The following DUSP3 variants were observed in gnomAD, a reference collection of about 807,000 sequenced individuals.
DUSP3 encodes the protein dual specificity protein phosphatase 3.
Under a neutral mutation model 15.5 loss-of-function variants are expected in DUSP3, and 7 were observed. The ratio of observed to expected loss-of-function variants is 0.45; its 90% CI spans 0.26 to 0.85. The LOEUF (loss-of-function observed/expected upper bound fraction) is 0.85. DUSP3 is among the 40% of genes least tolerant of loss of function. The pLI is 0.18. For synonymous variants in DUSP3, 86 were observed against 104.2 expected, an observed-to-expected ratio of 0.83 and a Z score of 1.07; for missense variants, 209 against 251.7, an observed-to-expected ratio of 0.83 and a Z score of 1.15.
At chr17:43,774,641 TG>T in intron 2 of DUSP3, 70 bp downstream of exon 2, 1 of 1,519,764 alleles carries the variant, frequency 6.6e-7, no homozygotes, top group Non-Finnish European at 9.1e-7. Context: ...AGACCTGTTG[TG>T]GGCCTGTTTT....
chr17:43,777,654 A>G (rs1241712145), intron 1 of DUSP3: 5 of 425,690 alleles, frequency 1.2e-5, no homozygotes, highest in Non-Finnish European at 2.4e-5. Flanking sequence ...CTGAGCCATG[A>G]AGCTTAGGAT....
chr17:43,778,431 A>T, intron 1 of DUSP3: 1 of 167,742 alleles, frequency 6.0e-6, no homozygotes, highest in Non-Finnish European at 1.3e-5. Flanking sequence ...CAGCTGTCAC[A>T]TGACGCGCGG....
rs373149875 is a variant in DUSP3 at position 43,778,775 on chromosome 17, G to A, written c.125+25C>T. On this transcript the variant is annotated intron_variant, in intron 1 of 2. Transcript: ENST00000226004. ...CGGGGCGTCCCGAGAGGGACGGCGG[G>A]GCCGGGCTCGCGAAAGGGACTCACG... The A allele has an allele frequency of 3.9e-4, 583 of 1,508,620 alleles. 4 individuals carry two copies. The African/African-American group carries it at 7.0e-3, about 18-fold the overall frequency. 93.5% of individuals were successfully genotyped at this position (1,508,620 alleles called of 1,614,324 possible).
chr17:43,772,806 A>G (rs1297526902), intron 2 of DUSP3, among the ~76,000 whole-genome samples: 1 of 152,172 alleles, frequency 6.6e-6, no homozygotes, highest in Non-Finnish European at 1.5e-5. Context: ...CATGCCAAGG[A>G]CAAGGTGGAG....
chr17:43,771,413 G>A (rs576080050), intron 2 of DUSP3, among the ~76,000 whole-genome samples: 1 of 152,210 alleles, frequency 6.6e-6, no homozygotes, highest in African/African-American at 2.4e-5. Context: ...TATTGGTTCT[G>A]TTTTTTCTAG....
At chr17:43,778,761 G>A in intron 1 of DUSP3, 39 bp downstream of exon 1, 3 of 1,492,466 alleles carry the variant, frequency 2.0e-6, no homozygotes, top group South Asian at 2.6e-5. Flanking sequence ...GGGGCGTCCC[G>A]AGAGGGACGG....
chr17:43,775,234 G>T (rs1351879284), intron 1 of DUSP3, among the ~76,000 whole-genome samples: 1 of 152,156 alleles, frequency 6.6e-6, no homozygotes, highest in Non-Finnish European at 1.5e-5. Context: ...ACCCTCCGCA[G>T]TGTTTGTCTC....
At chr17:43,769,925 G>A (rs1974292406) in intron 2 of DUSP3, 111 bp from the exon 3 acceptor site, 1 of 1,192,048 alleles carries the variant, frequency 8.4e-7, no homozygotes, top group Admixed American at 2.4e-5. Context: ...ACGCCACTGT[G>A]TGCCTGTCAG....
intron 2 of DUSP3, among the ~76,000 whole-genome samples, chr17:43,772,327 G>T (rs1974330405): frequency 6.6e-6 from 1 of 152,116 alleles, no homozygotes; most frequent in African/African-American, 2.4e-5. Flanking sequence ...TCAGAGTGGG[G>T]CTTCCCCTGC....
rs751943754 is a variant in DUSP3, at chr17:43,774,878, C to T, written c.186G>A (p.Ala62=). 43 of 1,614,070 alleles carry T rather than the reference C, an allele frequency of 2.7e-5. No individual in the cohort carries two copies. The East Asian group carries it at 3.3e-4, about 13-fold the overall frequency. The change falls in exon 2 of 3, where the codon GCG becomes GCA. Residue 62 remains alanine (A), a synonymous_variant. Transcript: ENST00000226004. Reference sequence around the variant, plus strand: ...CGTGCATGAAGGACCTGCCCTCAGCCGCGTTCAGCACATGGGTGATGCCTA... The same window carrying T: ...CGTGCATGAAGGACCTGCCCTCAGCTGCGTTCAGCACATGGGTGATGCCTA... The part of the protein sequence containing the change: ...QKLGITHVLN[A]AEGRSFMHVN...
chr17:43,777,406 G>A (rs1234000069), intron 1 of DUSP3: 1 of 427,190 alleles, frequency 2.3e-6, no homozygotes, highest in African/African-American at 2.0e-5. Context: ...TGGAATGGAT[G>A]AGAACTGTCC....
At position 43,766,508 on chromosome 17, in the gene DUSP3, T is replaced by C. The variant is rs1381295765; in HGVS notation, c.*3101A>G. 4 of 152,568 alleles carry C rather than the reference T, an allele frequency of 2.6e-5. No homozygotes were observed. The highest frequency in any genetic ancestry group is 5.9e-5 in the Non-Finnish European group (4 of 68,022). 9.5% of individuals were successfully genotyped at this position (152,568 alleles called of 1,614,324 possible). A position where few individuals can be genotyped will look rare whatever the true frequency, so the allele number is the denominator to read the frequency against. ...TGAAGATCAGTACTTTTTTTTTTTTTTTTCCTTTAAAACAGTAGCATCTTA... is the reference window on the plus strand; with the variant it reads ...TGAAGATCAGTACTTTTTTTTTTTTCTTTCCTTTAAAACAGTAGCATCTTA... On this transcript the variant is annotated 3_prime_UTR_variant, in exon 3 of 3. Transcript: ENST00000226004.
rs982434733 is a variant in DUSP3 at position 43,767,448 on chromosome 17, C to T, written c.*2161G>A. On this transcript the variant is annotated 3_prime_UTR_variant, in exon 3 of 3. Transcript: ENST00000226004. ...GTACACCTGGAGATCCCAGGGAGCC[C>T]CCTTCTTGAGAAAGAGTATCGTATG... 1 of 152,612 alleles carries T rather than the reference C, an allele frequency of 6.6e-6. No homozygotes were observed. The highest frequency in any genetic ancestry group is 2.4e-5 in the African/African-American group (1 of 41,422). 9.5% of individuals were successfully genotyped at this position (152,612 alleles called of 1,614,324 possible). A position where few individuals can be genotyped will look rare whatever the true frequency, so the allele number is the denominator to read the frequency against.
intron 2 of DUSP3, among the ~76,000 whole-genome samples, chr17:43,772,660 G>A (rs1039519310): frequency 1.3e-5 from 2 of 152,178 alleles, no homozygotes; most frequent in Non-Finnish European, 1.5e-5. Context: ...TAGAGCCCAT[G>A]GAATTCTTCA....
chr17:43,770,065 G>A (rs893219087), intron 2 of DUSP3, among the ~76,000 whole-genome samples: 1 of 152,108 alleles, frequency 6.6e-6, no homozygotes, highest in African/African-American at 2.4e-5. Context: ...TGTGCGGCAC[G>A]GCGGTATCTC....
rs1035082751 is a variant in DUSP3, at chr17:43,769,302, T to G, written c.*307A>C. The G allele has an allele frequency of 1.0e-4, 38 of 365,136 alleles. No individual in the cohort carries two copies. The highest frequency in any genetic ancestry group is 8.5e-4 in the East Asian group (13 of 15,320). The allele number at this position is 365,136 out of a possible 1,614,324, so 22.6% of individuals were successfully genotyped here. ...AGGCCTTACACTTCCACACACCTCC[T>G]GCCGTGGGCCATCGGGAAGCATGCA... is the stretch of plus-strand genomic sequence containing the variant. On this transcript the variant is annotated 3_prime_UTR_variant, in exon 3 of 3. Coordinates refer to ENST00000226004, the MANE Select transcript of DUSP3 (RefSeq NM_004090.4).
In DUSP3 at chr17:43,774,790, C is replaced by T; in HGVS notation, c.274G>A (p.Asp92Asn). 6 of 1,614,130 alleles carry T rather than the reference C, an allele frequency of 3.7e-6. No homozygotes were observed. The highest frequency in any genetic ancestry group is 5.1e-6 in the Non-Finnish European group (6 of 1,180,026). Residue 92 changes from aspartate to asparagine, a missense_variant, in exon 2 of 3, where the codon GAC becomes AAC. Physicochemically the swap from Asp to Asn is conservative, Grantham distance 23. Coordinates refer to ENST00000226004, the MANE Select transcript of DUSP3 (RefSeq NM_004090.4). ...GCGCTGAGGTTGAACTCCTGTGTGT[C>T]GTTGGCCTTGATGCCCAGGTATGTG... ...GITYLGIKAN[D>N]TQEFNLSAYF... is the part of the protein sequence containing the mutation.
At chr17:43,776,615 C>A (rs1003974432) in intron 1 of DUSP3, among the ~76,000 whole-genome samples, 1 of 152,252 alleles carries the variant, frequency 6.6e-6, no homozygotes, top group African/African-American at 2.4e-5. Flanking sequence ...GGAACCCCCA[C>A]ACCCCTGGCC....
At position 43,766,611 on chromosome 17, in the gene DUSP3, C is replaced by G. The variant is rs15359; in HGVS notation, c.*2998G>C. On this transcript the variant is annotated 3_prime_UTR_variant, in exon 3 of 3. Transcript: ENST00000226004. ...GGGTGGAAGGCAGCGCCACCTGCTG[C>G]CCATCATATTATGGCTCACATACCC... is the stretch of plus-strand genomic sequence containing the variant. The G allele has an allele frequency of 0.71, 107,476 of 152,136 alleles. 38,124 individuals are homozygous for G. Among genetic ancestry groups the G allele is most frequent in the East Asian group, 0.86 (4,406 of 5,140 alleles). 9.4% of individuals were successfully genotyped at this position (152,136 alleles called of 1,614,324 possible). A position where few individuals can be genotyped will look rare whatever the true frequency, so the allele number is the denominator to read the frequency against.
Sources: allele counts gnomAD v4.1 joint callset (sites outside exome capture counted in the v4.1 genomes callset), GRCh38; gene constraint gnomAD v4.1.1; transcripts MANE v1.5; gene names NCBI Gene and HGNC (gene_info 2026-07-23, HGNC 2026-07-21).